Variants in STXBP5L observed in about 807,000 individuals in gnomAD.
STXBP5L encodes syntaxin-binding protein 5-like.
A neutral mutation model predicts 144.5 loss-of-function variants in STXBP5L; 65 were observed. The observed-to-expected ratio is 0.45, with a 90% CI of 0.37 to 0.55. The LOEUF (loss-of-function observed/expected upper bound fraction) is 0.55. Ranked by LOEUF, STXBP5L falls within the 20% of genes least tolerant of loss-of-function variation. The pLI, the probability that STXBP5L is intolerant of heterozygous loss-of-function variation, is 0.00. For missense variants in STXBP5L, 1,298 were observed against 1,405.5 expected, an observed-to-expected ratio of 0.92 and a Z score of 1.22; for synonymous variants, 505 against 469.6, an observed-to-expected ratio of 1.08 and a Z score of -0.97.
intron 20 of STXBP5L, among the ~76,000 whole-genome samples, chr3:121,371,554 C>T (rs140067181): frequency 2.7e-4 from 41 of 152,110 alleles, no homozygotes; most frequent in African/African-American, 8.9e-4. Flanking sequence ...CAGCAGGGTG[C>T]TGGTAGGTAC....
chr3:121,051,550 C>T (rs1202133324), intron 5 of STXBP5L, among the ~76,000 whole-genome samples: 1 of 152,106 alleles, frequency 6.6e-6, no homozygotes, highest in African/African-American at 2.4e-5. Flanking sequence ...AAAACAAAGA[C>T]ACAACATACC....
chr3:121,205,794 A>T, intron 9 of STXBP5L, 129 bp from the exon 10 acceptor site: 1 of 452,652 alleles, frequency 2.2e-6, no homozygotes, highest in Non-Finnish European at 3.8e-6. Flanking sequence ...ATATAAGTTT[A>T]TCCTATTATG....
intron 5 of STXBP5L, among the ~76,000 whole-genome samples, chr3:121,092,983 A>T (rs368463213): frequency 6.6e-6 from 1 of 152,080 alleles, no homozygotes; most frequent in East Asian, 1.9e-4. Context: ...TAGCATGAAG[A>T]GTTGTTGAAT....
intron 3 of STXBP5L, among the ~76,000 whole-genome samples, chr3:120,989,664 C>G (rs1942640639): frequency 6.6e-6 from 1 of 152,126 alleles, no homozygotes; most frequent in South Asian, 2.1e-4. Flanking sequence ...CTTTCCCGCT[C>G]TACTAGTTTT....
intron 2 of STXBP5L, among the ~76,000 whole-genome samples, chr3:120,953,596 C>T (rs564174527): frequency 6.6e-6 from 1 of 151,700 alleles, no homozygotes; most frequent in East Asian, 1.9e-4. Flanking sequence ...CTTTGGCCTC[C>T]CAAAGTGCTG....
chr3:121,399,464 AG>A (rs765462529), intron 22 of STXBP5L, among the ~76,000 whole-genome samples: 12 of 152,336 alleles, frequency 7.9e-5, no homozygotes, highest in Middle Eastern at 3.4e-3. Flanking sequence ...GAAGGAAATC[AG>A]GGATCTCATA....
chr3:121,153,368 C>A (rs1437615041), intron 8 of STXBP5L, among the ~76,000 whole-genome samples: 1 of 151,928 alleles, frequency 6.6e-6, no homozygotes, highest in Admixed American at 6.6e-5. Flanking sequence ...GCTATTAATT[C>A]AATTTGAAAA....
At chr3:121,234,801 G>T (rs1268069975) in intron 12 of STXBP5L, among the ~76,000 whole-genome samples, 1 of 151,894 alleles carries the variant, frequency 6.6e-6, no homozygotes, top group Non-Finnish European at 1.5e-5. Context: ...TTTTTGGGTA[G>T]ATGTAAGGAT....
intron 20 of STXBP5L, among the ~76,000 whole-genome samples, chr3:121,348,741 G>A (rs1218767425): frequency 1.3e-5 from 2 of 152,052 alleles, no homozygotes; most frequent in African/African-American, 2.4e-5. Context: ...TAGTTTATTT[G>A]CTTAGAGGTG....
intron 3 of STXBP5L, among the ~76,000 whole-genome samples, chr3:121,035,012 CTTTG>C (rs1946657279): frequency 1.3e-5 from 2 of 151,932 alleles, no homozygotes; most frequent in African/African-American, 2.4e-5. Flanking sequence ...ATTTGTAGGT[CTTTG>C]TTTGGAAAAA....
At chr3:121,015,728 AG>A (rs1345079546) in intron 3 of STXBP5L, among the ~76,000 whole-genome samples, 2 of 152,122 alleles carry the variant, frequency 1.3e-5, no homozygotes, top group Non-Finnish European at 2.9e-5. Context: ...CTAACAAAAA[AG>A]TATTTTCCTG....
At chr3:121,352,789 G>T (rs2045345903) in intron 20 of STXBP5L, among the ~76,000 whole-genome samples, 1 of 152,028 alleles carries the variant, frequency 6.6e-6, no homozygotes, top group South Asian at 2.1e-4. Context: ...TCCAATTTTT[G>T]CTCATTGAGT....
intron 3 of STXBP5L, among the ~76,000 whole-genome samples, chr3:121,024,070 C>A (rs1003648251): frequency 1.3e-5 from 2 of 151,912 alleles, no homozygotes; most frequent in South Asian, 2.1e-4. Flanking sequence ...AAAATGTATT[C>A]TTAAACAAAA....
intron 2 of STXBP5L, among the ~76,000 whole-genome samples, chr3:120,934,766 T>C (rs1299950086): frequency 6.6e-6 from 1 of 152,048 alleles, no homozygotes; most frequent in Non-Finnish European, 1.5e-5. Context: ...CCTTGGTATT[T>C]TTTTTCCTTG....
rs545184434 is a variant in STXBP5L at position 120,923,765 on chromosome 3, A to G, written c.189+13998A>G. Among the ~76,000 whole-genome samples, 27 of 152,170 alleles carry G rather than the reference A, an allele frequency of 1.8e-4. 1 individual carries two copies. In the South Asian group the frequency reaches 4.1e-3, roughly 23 times the overall value. On this transcript the variant is annotated intron_variant, in intron 2 of 26. Transcript: ENST00000471454. Reference sequence around the variant, plus strand: ...TGTTTTATGGCCTGAGATATGGTCTATTCTGGAGAATATTCCATGTGCTGA... The same window carrying G: ...TGTTTTATGGCCTGAGATATGGTCTGTTCTGGAGAATATTCCATGTGCTGA...
chr3:121,116,775 T>C (rs1478399163), intron 6 of STXBP5L, among the ~76,000 whole-genome samples: 1 of 151,974 alleles, frequency 6.6e-6, no homozygotes, highest in Non-Finnish European at 1.5e-5. Flanking sequence ...TCCCCTGTAA[T>C]CCTAGTCCTA....
chr3:120,958,493 A>C (rs928822538), intron 3 of STXBP5L, among the ~76,000 whole-genome samples: 4 of 140,528 alleles, frequency 2.8e-5, no homozygotes, highest in African/African-American at 1.1e-4. Flanking sequence ...GATGAAGATC[A>C]ATGCAAAAAT....
chr3:121,096,232 T>C (rs956675436), intron 5 of STXBP5L, among the ~76,000 whole-genome samples: 1 of 152,190 alleles, frequency 6.6e-6, no homozygotes, highest in African/African-American at 2.4e-5. Context: ...CATATTTGGC[T>C]ATCTTGGAAC....
At chr3:121,036,101 G>A (rs1223147677) in intron 3 of STXBP5L, among the ~76,000 whole-genome samples, 1 of 152,128 alleles carries the variant, frequency 6.6e-6, no homozygotes, top group Non-Finnish European at 1.5e-5. Flanking sequence ...GGGCGGCTGA[G>A]GTGGGCAGAT....
Sources: gnomAD v4.1 joint callset for allele counts (sites outside exome capture counted in the v4.1 genomes callset) on GRCh38, gnomAD v4.1.1 for gene constraint, MANE v1.5 for transcripts, NCBI Gene and HGNC (gene_info 2026-07-23, HGNC 2026-07-21) for gene names.